RMDN2: variants seen among roughly 807,000 people sequenced by gnomAD.
RMDN2 encodes regulator of microtubule dynamics protein 2.
In RMDN2, 61 loss-of-function variants were observed where a neutral mutation model predicts 52.8. The observed-to-expected ratio is 1.16, with a 90% CI of 0.94 to 1.43. The LOEUF is 1.43. Among genes scored for constraint, RMDN2 ranks in the 40% most tolerant of loss-of-function variants. RMDN2 has a pLI of 0.00. For missense variants in RMDN2, 592 were observed against 475.3 expected (o/e 1.25, Z -2.28); for synonymous variants, 180 against 153.1 (o/e 1.18, Z -1.30).
intron 8 of RMDN2, among the ~76,000 whole-genome samples, chr2:38,002,146 G>T (rs1558535217): frequency 6.6e-6 from 1 of 152,152 alleles, no homozygotes; most frequent in Non-Finnish European, 1.5e-5. Flanking sequence ...TACAAGGGAT[G>T]TGCCCTTATA....
intron 2 of RMDN2, among the ~76,000 whole-genome samples, chr2:37,965,379 A>T (rs1670900754): frequency 7.5e-6 from 1 of 134,044 alleles, no homozygotes; most frequent in Non-Finnish European, 1.6e-5. Flanking sequence ...ATTTCCTTTT[A>T]CATATATTCT....
At chr2:37,978,359 A>AT (rs1672839610) in intron 4 of RMDN2, among the ~76,000 whole-genome samples, 2 of 150,474 alleles carry the variant, frequency 1.3e-5, no homozygotes, top group Non-Finnish European at 3.0e-5. Context: ...AGGTAAATAC[A>AT]TTTTTTTCAT....
chr2:37,986,399 A>G (rs963870885), intron 5 of RMDN2, among the ~76,000 whole-genome samples: 4 of 152,226 alleles, frequency 2.6e-5, no homozygotes, highest in Non-Finnish European at 4.4e-5. Context: ...TATACCAATT[A>G]CATAAGATAG....
At chr2:37,989,686 A>G (rs1674503485) in intron 6 of RMDN2, 70 bp downstream of exon 6, 1 of 1,060,476 alleles carries the variant, frequency 9.4e-7, no homozygotes, top group South Asian at 1.4e-5. Context: ...TTAATAATAA[A>G]AATGTTTTAA....
intron 2 of RMDN2, among the ~76,000 whole-genome samples, chr2:37,966,782 T>C (rs943936492): frequency 1.3e-5 from 2 of 152,156 alleles, no homozygotes; most frequent in Non-Finnish European, 2.9e-5. Flanking sequence ...ATGAATATTA[T>C]GAAAAAACTA....
downstream of RMDN2, among the ~76,000 whole-genome samples, chr2:38,019,687 T>C (rs1429376823): frequency 6.6e-6 from 1 of 152,126 alleles, no homozygotes; most frequent in African/African-American, 2.4e-5. Flanking sequence ...AGAGAAATTA[T>C]GTTCGGGAGG....
chr2:37,922,512 A>G (rs1666059234), upstream of RMDN2, among the ~76,000 whole-genome samples: 1 of 152,116 alleles, frequency 6.6e-6, no homozygotes, highest in Admixed American at 6.6e-5. Flanking sequence ...TGTACATACT[A>G]CTTTCAAATA....
At chr2:37,979,581 A>C (rs1673032389) in intron 4 of RMDN2, among the ~76,000 whole-genome samples, 1 of 152,242 alleles carries the variant, frequency 6.6e-6, no homozygotes, top group Non-Finnish European at 1.5e-5. Context: ...TATGTTTCTG[A>C]AGTATTATGA....
At chr2:37,989,471 A>G (rs1674469136) in intron 5 of RMDN2, 70 bp from the exon 6 acceptor site, 1 of 921,076 alleles carries the variant, frequency 1.1e-6, no homozygotes, top group Non-Finnish European at 1.8e-6. Context: ...TTTTAATGTT[A>G]TGTTTTGGTG....
rs1436075208 is a variant in RMDN2, at chr2:38,017,286, T to G, written c.*47T>G. 5 of 1,478,062 alleles carry G rather than the reference T, an allele frequency of 3.4e-6. No homozygotes were observed. Among genetic ancestry groups the G allele is most frequent in the Admixed American group, 2.5e-5 (1 of 40,000 alleles). 91.6% of individuals were successfully genotyped at this position (1,478,062 alleles called of 1,614,324 possible). On this transcript the variant is annotated 3_prime_UTR_variant, in exon 11 of 11. Transcript: ENST00000354545. Reference sequence around the variant, plus strand: ...CAAATCAGATGTGGTCTACCAAAATTTAAATGAATCAAAGTTGTGCTTTTA... The same window carrying G: ...CAAATCAGATGTGGTCTACCAAAATGTAAATGAATCAAAGTTGTGCTTTTA...
At chr2:37,957,355 G>A (rs1010886095) in intron 2 of RMDN2, among the ~76,000 whole-genome samples, 4 of 152,136 alleles carry the variant, frequency 2.6e-5, no homozygotes, top group Non-Finnish European at 4.4e-5. Context: ...ATTCTAACTG[G>A]CGTGAGATGG....
At chr2:38,044,806 T>A (rs150852346) in intron 10 of RMDN2, among the ~76,000 whole-genome samples, 2 of 152,262 alleles carry the variant, frequency 1.3e-5, no homozygotes, top group African/African-American at 4.8e-5. Flanking sequence ...TTGTCTACTT[T>A]TTCCATATAA....
At chr2:38,053,299 T>C (rs1316725265) in intron 10 of RMDN2, among the ~76,000 whole-genome samples, 1 of 152,196 alleles carries the variant, frequency 6.6e-6, no homozygotes, top group Non-Finnish European at 1.5e-5. Context: ...AAGTGATCAT[T>C]ATGACGTTAT....
intron 7 of RMDN2, among the ~76,000 whole-genome samples, chr2:37,995,570 A>T (rs1401905293): frequency 6.6e-6 from 1 of 152,230 alleles, no homozygotes. Context: ...CACCCCTTTT[A>T]GTAATTAATG....
chr2:38,045,760 A>ACTCC, intron 10 of RMDN2, among the ~76,000 whole-genome samples: 1 of 152,200 alleles, frequency 6.6e-6, no homozygotes, highest in Non-Finnish European at 1.5e-5. Flanking sequence ...CCCCCAGCTT[A>ACTCC]GTTGGTATGA....
chr2:37,928,535 A>G (rs1348925688), intron 1 of RMDN2, among the ~76,000 whole-genome samples: 2 of 152,202 alleles, frequency 1.3e-5, no homozygotes, highest in African/African-American at 2.4e-5. Flanking sequence ...TTTGCTTCCT[A>G]TCTTCACTTC....
At chr2:37,971,680 G>C (rs1264918341) in intron 2 of RMDN2, among the ~76,000 whole-genome samples, 1 of 152,060 alleles carries the variant, frequency 6.6e-6, no homozygotes, top group East Asian at 1.9e-4. Context: ...ATGTGGGTCT[G>C]TTTCTAGGCT....
intron 2 of RMDN2, among the ~76,000 whole-genome samples, chr2:37,963,485 C>G (rs1240697194): frequency 1.3e-5 from 2 of 152,020 alleles, no homozygotes; most frequent in East Asian, 3.9e-4. Flanking sequence ...TGTTTGTGTC[C>G]CTGGGTACTT....
intron 10 of RMDN2, among the ~76,000 whole-genome samples, chr2:38,016,975 C>A (rs543579527): frequency 1.7e-4 from 25 of 151,350 alleles, no homozygotes; most frequent in Non-Finnish European, 1.2e-4. Context: ...CAACTTGTTA[C>A]AATGAAAAAA....
Sources: allele counts gnomAD v4.1 joint callset (sites outside exome capture counted in the v4.1 genomes callset), GRCh38; gene constraint gnomAD v4.1.1; transcripts MANE v1.5; gene names NCBI Gene and HGNC (gene_info 2026-07-23, HGNC 2026-07-21).